Variants in ANO7 observed in about 807,000 individuals in gnomAD.
ANO7 encodes the protein anoctamin-7.
In ANO7, 114 loss-of-function variants were observed where a neutral mutation model predicts 115.8. The ratio of observed to expected loss-of-function variants is 0.98; its 90% confidence interval spans 0.85 to 1.15. The LOEUF is 1.15. Among genes scored for constraint, ANO7 ranks in the 50% most tolerant of loss-of-function variants. The pLI, the probability that ANO7 is intolerant of heterozygous loss-of-function variation, is 0.00. For missense variants in ANO7, 1,302 were observed against 1,201.2 expected, an observed-to-expected ratio of 1.08 and a Z score of -1.24; for synonymous variants, 550 against 498.2, an observed-to-expected ratio of 1.10 and a Z score of -1.38.
intron 17 of ANO7, among the ~76,000 whole-genome samples, chr2:241,213,980 G>T (rs990439823): frequency 6.6e-6 from 1 of 152,224 alleles, no homozygotes; most frequent in Non-Finnish European, 1.5e-5. Context: ...AACTCAAACT[G>T]GCTTAAACGA....
chr2:241,235,741 A>C, the ANO7 span: 1 of 599,604 alleles, frequency 1.7e-6, no homozygotes. Flanking sequence ...CAGGACCTTT[A>C]ACTCAATAGA....
intron 17 of ANO7, among the ~76,000 whole-genome samples, chr2:241,214,079 G>T (rs2068770423): frequency 6.6e-6 from 1 of 152,216 alleles, no homozygotes; most frequent in South Asian, 2.1e-4. Flanking sequence ...GAGGTCAGGA[G>T]TTCGAGAATA....
At chr2:241,234,718 G>C in the ANO7 span, among the ~76,000 whole-genome samples, 1 of 152,198 alleles carries the variant, frequency 6.6e-6, no homozygotes, top group Non-Finnish European at 1.5e-5. Context: ...TTTCATCCCT[G>C]CTTACCAGGA....
intron 21 of ANO7, among the ~76,000 whole-genome samples, chr2:241,221,192 C>T (rs1273553222): frequency 1.3e-5 from 2 of 151,178 alleles, no homozygotes; most frequent in Non-Finnish European, 2.9e-5. Flanking sequence ...TCTCCTGCCT[C>T]AGCCTCACAA....
chr2:241,202,070 C>A, intron 7 of ANO7, 124 bp from the exon 8 acceptor site: 1 of 730,468 alleles, frequency 1.4e-6, no homozygotes. Context: ...CATCAGATCG[C>A]TATTGTCACC....
intron 3 of ANO7, 56 bp downstream of exon 3, chr2:241,191,307 C>A (rs1002037540): frequency 6.3e-7 from 1 of 1,598,428 alleles, no homozygotes; most frequent in African/African-American, 1.3e-5. Flanking sequence ...GGTGGGGACA[C>A]CACGGGGGTG....
chr2:241,219,006 T>C (rs1379360007), intron 21 of ANO7, among the ~76,000 whole-genome samples: 1 of 149,836 alleles, frequency 6.7e-6, no homozygotes, highest in African/African-American at 2.4e-5. Context: ...ATTTATCTTC[T>C]GTTTCTTTCC....
chr2:241,218,433 A>G, intron 21 of ANO7, 52 bp downstream of exon 21: 2 of 1,163,520 alleles, frequency 1.7e-6, no homozygotes, highest in South Asian at 5.4e-5. Context: ...GACGAGGCGG[A>G]GCGGGGCTCG....
intron 19 of ANO7, among the ~76,000 whole-genome samples, chr2:241,216,872 C>T (rs547970440): frequency 1.3e-5 from 2 of 152,242 alleles, no homozygotes; most frequent in Non-Finnish European, 2.9e-5. Flanking sequence ...CTCCCTCTGT[C>T]GCCCAGGCTG....
At chr2:241,200,328 G>A in intron 6 of ANO7, 103 bp downstream of exon 6, 15 of 1,458,244 alleles carry the variant, frequency 1.0e-5, no homozygotes, top group Non-Finnish European at 1.4e-5. Flanking sequence ...TCCTCACCTG[G>A]AGTTTTCGGC....
Position 241,195,544 on chromosome 2 carries a change from G to T in ANO7, c.167-159G>T, listed in dbSNP as rs796068063. On this transcript the variant is annotated intron_variant, in intron 3 of 24. Coordinates refer to ENST00000674324, the MANE Select transcript of ANO7 (RefSeq NM_001370694.2). ...TGGAAGTGCTCCTGGAGTCCTCCTA[G>T]CCCTGGCTGGGACCAGAGAGGGGAT... 3.3e-5 allele frequency among the ~76,000 whole-genome samples: 5 copies of T among 152,314 alleles called. 1 individual carries two copies. Among genetic ancestry groups the T allele is most frequent in the African/African-American group, 1.2e-4 (5 of 41,578 alleles).
chr2:241,227,358 CAT>C (rs147465151), downstream of ANO7: 33 of 152,666 alleles, frequency 2.2e-4, no homozygotes, highest in East Asian at 4.8e-3. Flanking sequence ...AGCCTTTACA[CAT>C]GTTTGCATAT....
chr2:241,199,860 C>T (rs549458949), intron 5 of ANO7, among the ~76,000 whole-genome samples: 1 of 152,302 alleles, frequency 6.6e-6, no homozygotes, highest in South Asian at 2.1e-4. Flanking sequence ...ACCCCTTTTC[C>T]ACTTGAGGGT....
At chr2:241,226,369 C>T (rs911260807), downstream of ANO7, among the ~76,000 whole-genome samples, 14 of 152,094 alleles carry the variant, frequency 9.2e-5, 1 homozygote, top group Non-Finnish European at 1.6e-4. Context: ...GTGTGCTTTG[C>T]TGTGGGTTGC....
At chr2:241,204,376 TG>T (rs933952849) in intron 9 of ANO7, among the ~76,000 whole-genome samples, 8 of 92,500 alleles carry the variant, frequency 8.6e-5, no homozygotes, top group African/African-American at 3.4e-4. Context: ...GCTGAGGGCC[TG>T]GGGTAACTGA....
At chr2:241,218,687 GT>G (rs2068931703) in intron 21 of ANO7, among the ~76,000 whole-genome samples, 1 of 152,198 alleles carries the variant, frequency 6.6e-6, no homozygotes, top group African/African-American at 2.4e-5. Context: ...GAAGGAAGAG[GT>G]TTTTTTATTC....
At chr2:241,200,526 G>A (rs1022299686) in intron 6 of ANO7, among the ~76,000 whole-genome samples, 1 of 152,196 alleles carries the variant, frequency 6.6e-6, no homozygotes. Context: ...TGCTCACCAC[G>A]GTCTCTCAGG....
chr2:241,220,545 A>G (rs1035987172), intron 21 of ANO7, among the ~76,000 whole-genome samples: 18 of 152,050 alleles, frequency 1.2e-4, no homozygotes, highest in African/African-American at 4.1e-4. Context: ...AAAAATACAA[A>G]AAAAGGCTGC....
At chr2:241,238,774 G>A in the ANO7 span, 2 of 1,528,890 alleles carry the variant, frequency 1.3e-6, no homozygotes, top group Non-Finnish European at 1.8e-6. The surrounding 1 kb of genome is among the most constrained non-coding windows in gnomAD (Gnocchi z 4.9). Context: ...ACATTCTAAT[G>A]TCACCTGAGC....
Sources: allele counts gnomAD v4.1 joint callset (sites outside exome capture counted in the v4.1 genomes callset), GRCh38; gene constraint gnomAD v4.1.1; non-coding constraint Gnocchi (gnomAD v3.1); transcripts MANE v1.5; gene names NCBI Gene and HGNC (gene_info 2026-07-23, HGNC 2026-07-21).